KLF12: variants seen among roughly 807,000 people sequenced by gnomAD.
KLF12 encodes the protein KLF transcription factor 12.
Under a neutral mutation model 37.8 loss-of-function variants are expected in KLF12, and 9 were observed. The ratio of observed to expected loss-of-function variants is 0.24; its 90% CI spans 0.14 to 0.42. The LOEUF is 0.42. Among genes scored for constraint, KLF12 ranks in the 10% least tolerant of loss-of-function variants. KLF12 has a pLI of 1.00. For synonymous variants in KLF12, 208 were observed against 202.1 expected, an observed-to-expected ratio of 1.03 and a Z score of -0.25; for missense variants, 411 against 516.0, an observed-to-expected ratio of 0.80 and a Z score of 1.97.
At chr13:73,832,903 G>A (rs529124170) in intron 4 of KLF12, among the ~76,000 whole-genome samples, 1 of 152,218 alleles carries the variant, frequency 6.6e-6, no homozygotes, top group South Asian at 2.1e-4. Flanking sequence ...AAAAATGGTC[G>A]ATTTATTTCA....
chr13:73,859,788 G>A (rs1471631063), intron 3 of KLF12, among the ~76,000 whole-genome samples: 1 of 151,620 alleles, frequency 6.6e-6, no homozygotes, highest in Non-Finnish European at 1.5e-5. Flanking sequence ...TGAAAGAAAT[G>A]AGAAAAGACG....
At chr13:73,998,312 T>C (rs1019348924) in intron 1 of KLF12, among the ~76,000 whole-genome samples, 6 of 152,202 alleles carry the variant, frequency 3.9e-5, no homozygotes, top group African/African-American at 1.4e-4. Flanking sequence ...TTTAAATGTA[T>C]TAAAATGGAC....
At chr13:73,769,116 TTTAA>T (rs1029525762) in intron 5 of KLF12, among the ~76,000 whole-genome samples, 5 of 152,222 alleles carry the variant, frequency 3.3e-5, no homozygotes, top group African/African-American at 9.7e-5. Context: ...ACTTTATCTC[TTTAA>T]TTGTTTATGA....
At chr13:73,738,120 T>TAC (rs1170394263) in intron 6 of KLF12, among the ~76,000 whole-genome samples, 6,766 of 69,316 alleles carry the variant, frequency 0.098, 216 homozygotes, top group South Asian at 0.17. Context: ...TATATATATA[T>TAC]ATATACACAC....
At chr13:73,857,580 T>C (rs935978551) in intron 3 of KLF12, among the ~76,000 whole-genome samples, 6 of 152,200 alleles carry the variant, frequency 3.9e-5, no homozygotes, top group African/African-American at 1.4e-4. Context: ...CCTGGGGAAA[T>C]AGGGCTAACT....
chr13:74,129,504 T>G (rs754664845), intron 1 of KLF12, among the ~76,000 whole-genome samples: 1 of 152,214 alleles, frequency 6.6e-6, no homozygotes, highest in Non-Finnish European at 1.5e-5. Context: ...GTGGGGAAAC[T>G]ATCCCAAAGG....
At chr13:74,258,064 A>G in the KLF12 span, 2 of 151,858 alleles carry the variant, frequency 1.3e-5, no homozygotes, top group Admixed American at 1.3e-4. Flanking sequence ...AAGTTTTTGA[A>G]TGTTATGAAT....
chr13:73,908,460 T>G (rs1487912036), intron 3 of KLF12, among the ~76,000 whole-genome samples: 1 of 151,244 alleles, frequency 6.6e-6, no homozygotes, highest in East Asian at 1.9e-4. Flanking sequence ...TTAACCCTCC[T>G]AAAGGTTTTC....
At chr13:74,177,467 A>T in the KLF12 span, among the ~76,000 whole-genome samples, 1 of 152,168 alleles carries the variant, frequency 6.6e-6, no homozygotes, top group Non-Finnish European at 1.5e-5. Flanking sequence ...AGCCTGGAGG[A>T]CGACGGTGAT....
At chr13:73,917,465 C>T (rs1025697391) in intron 3 of KLF12, among the ~76,000 whole-genome samples, 4 of 152,142 alleles carry the variant, frequency 2.6e-5, no homozygotes, top group African/African-American at 9.7e-5. Context: ...TTTGTACCCG[C>T]CCATACTGCT....
chr13:74,031,191 G>A (rs1566510771), intron 1 of KLF12, among the ~76,000 whole-genome samples: 1 of 152,072 alleles, frequency 6.6e-6, no homozygotes, highest in East Asian at 1.9e-4. Flanking sequence ...TCTCCATAAT[G>A]TCTTCCTTGA....
At chr13:73,752,487 T>C (rs1025707053) in intron 6 of KLF12, among the ~76,000 whole-genome samples, 5 of 90,688 alleles carry the variant, frequency 5.5e-5, no homozygotes, top group African/African-American at 2.9e-4. Context: ...TCTACGGACT[T>C]GCCTTCTGCT....
chr13:73,964,489 G>A (rs1180263685), intron 2 of KLF12, among the ~76,000 whole-genome samples: 2 of 151,992 alleles, frequency 1.3e-5, no homozygotes, highest in Admixed American at 6.6e-5. Flanking sequence ...TCTTAGGTCA[G>A]CCGAGCACGG....
At chr13:73,905,228 G>A (rs753408298) in intron 3 of KLF12, among the ~76,000 whole-genome samples, 1 of 152,132 alleles carries the variant, frequency 6.6e-6, no homozygotes, top group Non-Finnish European at 1.5e-5. Context: ...TTAACCTGCA[G>A]TTTACCATTG....
At chr13:73,772,604 C>T (rs1243366564) in intron 5 of KLF12, among the ~76,000 whole-genome samples, 4 of 152,140 alleles carry the variant, frequency 2.6e-5, no homozygotes, top group African/African-American at 7.2e-5. Context: ...TTGGTGTAGA[C>T]AACCAGAGGG....
chr13:73,916,229 AC>A (rs1287315535), intron 3 of KLF12, among the ~76,000 whole-genome samples: 135 of 74,504 alleles, frequency 1.8e-3, no homozygotes, highest in African/African-American at 5.5e-3. Context: ...ACACACACAC[AC>A]ACACACACAC....
chr13:74,298,108 T>C, the KLF12 span, among the ~76,000 whole-genome samples: 1 of 152,188 alleles, frequency 6.6e-6, no homozygotes, highest in Non-Finnish European at 1.5e-5. Flanking sequence ...GCAGAGTCAA[T>C]GTAGGAGATT....
At chr13:74,087,630 AG>A (rs1169530799) in intron 1 of KLF12, among the ~76,000 whole-genome samples, 1 of 152,190 alleles carries the variant, frequency 6.6e-6, no homozygotes, top group Non-Finnish European at 1.5e-5. Context: ...GATTGAGATC[AG>A]GTTTCTAGCC....
At chr13:74,220,729 A>G in the KLF12 span, among the ~76,000 whole-genome samples, 2 of 152,046 alleles carry the variant, frequency 1.3e-5, no homozygotes, top group African/African-American at 2.4e-5. Flanking sequence ...CTTCTATGAA[A>G]TCGATTTTTT....
Sources: allele counts gnomAD v4.1 joint callset (sites outside exome capture counted in the v4.1 genomes callset), GRCh38; gene constraint gnomAD v4.1.1; transcripts MANE v1.5; gene names NCBI Gene and HGNC (gene_info 2026-07-23, HGNC 2026-07-21).